BNC2: variants seen among roughly 807,000 people sequenced by gnomAD.
BNC2 encodes the protein zinc finger protein basonuclin-2.
BNC2 carries 20 observed loss-of-function variants against 76.3 expected under a neutral mutation model. That is an observed-to-expected ratio of 0.26 (90% CI 0.18 to 0.38). The LOEUF is 0.38. BNC2 is among the 10% of genes least tolerant of loss of function. The pLI is 1.00. For missense variants in BNC2, 1,382 were observed against 1,399.8 expected, an observed-to-expected ratio of 0.99 and a Z score of 0.20; for synonymous variants, 582 against 514.8, an observed-to-expected ratio of 1.13 and a Z score of -1.77.
At chr9:16,735,866 C>A (rs1824652129) in intron 2 of BNC2, among the ~76,000 whole-genome samples, 1 of 152,006 alleles carries the variant, frequency 6.6e-6, no homozygotes, top group African/African-American at 2.4e-5. Context: ...AGCTTGCAGC[C>A]TCAGTAAAGG....
intron 1 of BNC2, among the ~76,000 whole-genome samples, chr9:16,786,421 T>C (rs757191869): frequency 4.0e-5 from 6 of 151,630 alleles, no homozygotes; most frequent in African/African-American, 2.4e-5. Context: ...AAAGACCCAG[T>C]ACAGAAGAAA....
At chr9:16,463,645 A>C (rs1385940223) in intron 5 of BNC2, among the ~76,000 whole-genome samples, 1 of 152,082 alleles carries the variant, frequency 6.6e-6, no homozygotes, top group Non-Finnish European at 1.5e-5. Flanking sequence ...ATGCTATCTC[A>C]CCGCACTGAC....
chr9:16,603,975 T>C (rs750714590), intron 3 of BNC2, among the ~76,000 whole-genome samples: 43 of 152,140 alleles, frequency 2.8e-4, no homozygotes, highest in Non-Finnish European at 5.1e-4. Flanking sequence ...ATCAAAAAGA[T>C]ACAAAAGAAT....
rs562137410 is a variant in BNC2, at chr9:16,740,042, A to G, written c.4-1557T>C. 3.4e-4 allele frequency among the ~76,000 whole-genome samples: 52 copies of G among 152,336 alleles called. 1 individual carries two copies. In the South Asian group the frequency reaches 0.01, roughly 30 times the overall value. ...GATAAAACAAGTGGCCAAGGTTAGT[A>G]TCTCAGGGGATATCCATGGTTATTA... On this transcript the variant is annotated intron_variant, in intron 1 of 6. Coordinates refer to ENST00000380672, the MANE Select transcript of BNC2 (RefSeq NM_017637.6).
intron 5 of BNC2, among the ~76,000 whole-genome samples, chr9:16,532,041 CTT>C (rs34096384): frequency 6.8e-6 from 1 of 147,748 alleles, no homozygotes; most frequent in African/African-American, 2.5e-5. Flanking sequence ...GATTTAAGTT[CTT>C]TTTTTTTTGG....
chr9:16,737,939 ATTTGTGCACTTTTC>A (rs1233088318), intron 2 of BNC2, among the ~76,000 whole-genome samples: 1 of 152,092 alleles, frequency 6.6e-6, no homozygotes, highest in Non-Finnish European at 1.5e-5. Context: ...ATACACTTTT[ATTTGTGCACTTTTC>A]TGTAAGTATG....
chr9:16,727,363 G>A (rs899015818), intron 3 of BNC2: 2 of 194,920 alleles, frequency 1.0e-5, no homozygotes. Flanking sequence ...GGGCTGTTCT[G>A]AGGGGCCCCG....
chr9:16,539,451 C>T (rs1367248063), intron 5 of BNC2, among the ~76,000 whole-genome samples: 1 of 150,292 alleles, frequency 6.7e-6, no homozygotes, highest in African/African-American at 2.5e-5. Flanking sequence ...TGACTTGAGC[C>T]AGGGAGGTGG....
chr9:16,824,499 C>T (rs892266823), intron 1 of BNC2, among the ~76,000 whole-genome samples: 2 of 152,050 alleles, frequency 1.3e-5, no homozygotes, highest in Non-Finnish European at 1.5e-5. Flanking sequence ...ACCTCCTGGC[C>T]CTGTTCTCCC....
chr9:16,631,195 T>C (rs902033913), intron 3 of BNC2, among the ~76,000 whole-genome samples: 3 of 152,220 alleles, frequency 2.0e-5, no homozygotes, highest in Non-Finnish European at 4.4e-5. Flanking sequence ...TATTCTTTCA[T>C]AATTTGAGCC....
Position 16,741,283 on chromosome 9 carries a change from G to A in BNC2, c.4-2798C>T, listed in dbSNP as rs185959018. ...AGCCTGACCAACATGGAGAAACCCC[G>A]TTTCTACTAAAAATACAAAATTAGC... On this transcript the variant is annotated intron_variant, in intron 1 of 6. Transcript: ENST00000380672. Among the ~76,000 whole-genome samples the A allele has an allele frequency of 1.4e-3, 207 of 152,052 alleles. 2 individuals are homozygous for A. In the East Asian group the frequency reaches 0.015, roughly 11 times the overall value.
intron 3 of BNC2, among the ~76,000 whole-genome samples, chr9:16,656,229 C>T (rs1408546763): frequency 6.6e-6 from 1 of 152,158 alleles, no homozygotes; most frequent in Non-Finnish European, 1.5e-5. Context: ...AGAGAATGTG[C>T]TTAATTCTAC....
chr9:16,643,152 T>C (rs1385570253), intron 3 of BNC2, among the ~76,000 whole-genome samples: 1 of 151,730 alleles, frequency 6.6e-6, no homozygotes, highest in African/African-American at 2.4e-5. Flanking sequence ...TTAAAACGTA[T>C]GAGGTTAGCC....
At chr9:16,730,039 AG>A (rs1459483977) in intron 2 of BNC2, among the ~76,000 whole-genome samples, 2 of 147,760 alleles carry the variant, frequency 1.4e-5, no homozygotes, top group African/African-American at 5.0e-5. Context: ...CTCTTTTTCT[AG>A]CCCCCACCCC....
At chr9:16,558,598 T>C (rs575964141) in intron 4 of BNC2, among the ~76,000 whole-genome samples, 1 of 152,264 alleles carries the variant, frequency 6.6e-6, no homozygotes, top group South Asian at 2.1e-4. Flanking sequence ...AAGAGTTCTA[T>C]TACAACTACC....
rs1563849993 is a variant in BNC2 at position 16,583,102 on chromosome 9, G to GA, written c.331-18dup. On this transcript the variant is annotated splice_polypyrimidine_tract_variant and intron_variant, in intron 3 of 6. Coordinates refer to ENST00000380672, the MANE Select transcript of BNC2 (RefSeq NM_017637.6). ...ACGGATGGCCTGAAAAATAAAGGAGGAAAAAAAGGTCAGCATCTGTTCAAA... is the reference window on the plus strand; with the variant it reads ...ACGGATGGCCTGAAAAATAAAGGAGGAAAAAAAAGGTCAGCATCTGTTCAAA... 1.9e-6 allele frequency: 3 copies of GA among 1,597,774 alleles called. No individual in the cohort carries two copies. The highest frequency in any genetic ancestry group is 2.6e-6 in the Non-Finnish European group (3 of 1,166,466).
intron 1 of BNC2, among the ~76,000 whole-genome samples, chr9:16,851,139 A>T (rs1819117892): frequency 6.6e-6 from 1 of 152,090 alleles, no homozygotes; most frequent in Non-Finnish European, 1.5e-5. Flanking sequence ...TGCTTCATTC[A>T]AATTTATTAA....
intron 5 of BNC2, among the ~76,000 whole-genome samples, chr9:16,508,416 C>T (rs188418329): frequency 1.3e-5 from 2 of 152,288 alleles, no homozygotes; most frequent in Admixed American, 1.3e-4. Flanking sequence ...CACAGTCCTT[C>T]GATCTCTCAC....
intron 3 of BNC2, among the ~76,000 whole-genome samples, chr9:16,608,082 G>C (rs1304921392): frequency 6.6e-6 from 1 of 152,114 alleles, no homozygotes; most frequent in Non-Finnish European, 1.5e-5. Flanking sequence ...CGTCAGGGGA[G>C]GGCAGGCTCA....
Sources: gnomAD v4.1 joint callset for allele counts (sites outside exome capture counted in the v4.1 genomes callset) on GRCh38, gnomAD v4.1.1 for gene constraint, MANE v1.5 for transcripts, NCBI Gene and HGNC (gene_info 2026-07-23, HGNC 2026-07-21) for gene names.